CEP57L1: variants seen among roughly 807,000 people sequenced by gnomAD.
CEP57L1 encodes the protein centrosomal protein CEP57L1.
CEP57L1 carries 37 observed loss-of-function variants against 61.0 expected under a neutral mutation model. The observed-to-expected ratio is 0.61, with a 90% CI of 0.47 to 0.80. CEP57L1 has a LOEUF of 0.80. Ranked by LOEUF, CEP57L1 falls within the 30% of genes least tolerant of loss-of-function variation. CEP57L1 has a pLI of 0.00. For missense variants in CEP57L1, 422 were observed against 524.7 expected, an observed-to-expected ratio of 0.80 and a Z score of 1.91; for synonymous variants, 137 against 162.3, an observed-to-expected ratio of 0.84 and a Z score of 1.19.
intron 1 of CEP57L1, among the ~76,000 whole-genome samples, chr6:109,135,425 A>G (rs1351103293): frequency 2.0e-5 from 3 of 152,228 alleles, no homozygotes; most frequent in Non-Finnish European, 4.4e-5. Context: ...AAGATGGGTT[A>G]AAGACTTAAA....
At chr6:109,114,601 A>G (rs1402420728) in intron 1 of CEP57L1, among the ~76,000 whole-genome samples, 1 of 152,162 alleles carries the variant, frequency 6.6e-6, no homozygotes, top group African/African-American at 2.4e-5. Flanking sequence ...AATACTCTGT[A>G]ATCTCACTTA....
At chr6:109,154,683 C>A (rs921942070) in intron 5 of CEP57L1, among the ~76,000 whole-genome samples, 1 of 151,968 alleles carries the variant, frequency 6.6e-6, no homozygotes, top group East Asian at 1.9e-4. Context: ...GGATACCGAA[C>A]CAGTAATGAA....
At chr6:109,143,245 C>A (rs1257520189) in intron 1 of CEP57L1, among the ~76,000 whole-genome samples, 5 of 152,132 alleles carry the variant, frequency 3.3e-5, no homozygotes, top group Non-Finnish European at 5.9e-5. Context: ...TCATAGTCTA[C>A]TCAGAATCAC....
At chr6:109,154,236 A>C (rs1023045589) in intron 5 of CEP57L1, among the ~76,000 whole-genome samples, 1 of 152,128 alleles carries the variant, frequency 6.6e-6, no homozygotes, top group African/African-American at 2.4e-5. Flanking sequence ...GTCTTTCACC[A>C]CTTGTAGTCA....
chr6:109,132,610 A>G (rs1245920856), intron 1 of CEP57L1, among the ~76,000 whole-genome samples: 1 of 152,234 alleles, frequency 6.6e-6, no homozygotes, highest in African/African-American at 2.4e-5. Context: ...TCTAAGACTT[A>G]TTCGCTAGAT....
Position 109,159,220 on chromosome 6 carries a change from T to C in CEP57L1, c.823-49T>C, listed in dbSNP as rs375079636. The C allele has an allele frequency of 1.9e-6, 3 of 1,613,974 alleles. No individual in the cohort carries two copies. In the African/African-American group the frequency reaches 4.0e-5, roughly 22 times the overall value. On this transcript the variant is annotated intron_variant, in intron 8 of 10. Transcript: ENST00000517392. ...TCAGTTGTTTCTTTTCCCATAAGTC[T>C]ACCAGTGCAAGCTGTTCTGTGAATG...
In CEP57L1 at chr6:109,160,735, G is replaced by C. The variant is rs1218167063; in HGVS notation, c.1161+19G>C. 6.4e-7 allele frequency: 1 copy of C among 1,564,812 alleles called. No individual in the cohort carries two copies. ...AGACAGTGTAAGAAGGCTTTAGTAA[G>C]AGATTTTAATAAAAACACAAAATAT... On this transcript the variant is annotated intron_variant, in intron 10 of 10. Transcript: ENST00000517392.
chr6:109,168,590 A>ATTTT lies in CEP57L1; in HGVS notation c.*5639_*5642dup, dbSNP rs72093696. ...ATCAATTTAGCGGGTCACTACCAGC[A>ATTTT]TTTTTTTTTTTTTTTTTTTTTTGAG... On this transcript the variant is annotated 3_prime_UTR_variant, in exon 11 of 11. Coordinates refer to ENST00000517392, the MANE Select transcript of CEP57L1 (RefSeq NM_001271852.3). 2.7e-5 allele frequency among the ~76,000 whole-genome samples: 3 copies of ATTTT among 112,034 alleles called. No homozygotes were observed. Among genetic ancestry groups the ATTTT allele is most frequent in the Non-Finnish European group, 3.6e-5 (2 of 55,112 alleles). 73.5% of individuals were successfully genotyped at this position (112,034 alleles called of 152,430 possible).
At chr6:109,126,532 T>G (rs1298537332) in intron 1 of CEP57L1, among the ~76,000 whole-genome samples, 1 of 152,138 alleles carries the variant, frequency 6.6e-6, no homozygotes, top group Non-Finnish European at 1.5e-5. Context: ...AGTTTTATAT[T>G]GTTCCTCATT....
At chr6:109,133,381 A>C (rs1265583472) in intron 1 of CEP57L1, among the ~76,000 whole-genome samples, 1 of 152,096 alleles carries the variant, frequency 6.6e-6, no homozygotes, top group Non-Finnish European at 1.5e-5. Context: ...CTCCTATGAA[A>C]ATCTAATGCA....
chr6:109,124,411 T>C (rs1773315957), intron 1 of CEP57L1, among the ~76,000 whole-genome samples: 1 of 152,192 alleles, frequency 6.6e-6, no homozygotes, highest in Non-Finnish European at 1.5e-5. Flanking sequence ...TTTCATAATT[T>C]TGCATAGATA....
chr6:109,119,607 A>G (rs994112181), intron 1 of CEP57L1, among the ~76,000 whole-genome samples: 2 of 152,234 alleles, frequency 1.3e-5, no homozygotes, highest in Admixed American at 6.5e-5. Flanking sequence ...CTCTGTTAAA[A>G]TGCAGAGAAA....
At position 109,174,048 on chromosome 6, in the gene CEP57L1, C is replaced by T. The variant is rs1346876377; in HGVS notation, c.*11078C>T. On this transcript the variant is annotated 3_prime_UTR_variant, in exon 11 of 11. Coordinates refer to ENST00000517392, the MANE Select transcript of CEP57L1 (RefSeq NM_001271852.3). ...CCAGGAGACAGAGGGTGCAGTGAGC[C>T]GAGATCATGCCATTGCACTCCAGCC... Among the ~76,000 whole-genome samples, 5 of 149,962 alleles carry T rather than the reference C, an allele frequency of 3.3e-5. No homozygotes were observed. The highest frequency in any genetic ancestry group is 5.9e-5 in the Non-Finnish European group (4 of 67,760).
chr6:109,159,714 C>G (rs1773558510), intron 9 of CEP57L1, among the ~76,000 whole-genome samples: 1 of 152,116 alleles, frequency 6.6e-6, no homozygotes, highest in African/African-American at 2.4e-5. Flanking sequence ...GCCATTTGGA[C>G]AGTTTGTTGT....
intron 7 of CEP57L1, 172 bp from the exon 8 acceptor site, chr6:109,158,853 A>C: frequency 1.6e-6 from 1 of 635,076 alleles, no homozygotes. Flanking sequence ...AATGATGTTG[A>C]ATATCTTTTC....
intron 3 of CEP57L1, among the ~76,000 whole-genome samples, chr6:109,147,478 A>C (rs933413442): frequency 3.3e-5 from 5 of 152,192 alleles, no homozygotes; most frequent in Non-Finnish European, 5.9e-5. Flanking sequence ...AAGTCTTTTA[A>C]GTAATTTCAC....
chr6:109,155,617 G>A (rs1391636708), intron 6 of CEP57L1, among the ~76,000 whole-genome samples, 174 bp from the exon 7 acceptor site: 1 of 151,790 alleles, frequency 6.6e-6, no homozygotes, highest in Non-Finnish European at 1.5e-5. Flanking sequence ...GAAAATTATT[G>A]TAATTACCAA....
intron 1 of CEP57L1, among the ~76,000 whole-genome samples, chr6:109,101,628 T>C (rs1328218896): frequency 1.3e-5 from 2 of 149,092 alleles, no homozygotes; most frequent in African/African-American, 2.5e-5. Flanking sequence ...TTTTTCTTTT[T>C]TTTTTTTTTT....
intron 1 of CEP57L1, among the ~76,000 whole-genome samples, chr6:109,099,893 T>G (rs1156723968): frequency 6.6e-6 from 1 of 152,218 alleles, no homozygotes; most frequent in Non-Finnish European, 1.5e-5. Context: ...CGAGTATGGA[T>G]GCAGCACTCT....
Sources: gnomAD v4.1 joint callset for allele counts (sites outside exome capture counted in the v4.1 genomes callset) on GRCh38, gnomAD v4.1.1 for gene constraint, MANE v1.5 for transcripts, NCBI Gene and HGNC (gene_info 2026-07-23, HGNC 2026-07-21) for gene names.